Variants in MTUS2 observed in about 807,000 individuals in gnomAD.
The protein encoded by MTUS2 is microtubule associated scaffold protein 2.
A neutral mutation model predicts 114.1 loss-of-function variants in MTUS2; 40 were observed. The observed-to-expected ratio is 0.35, with a 90% CI of 0.27 to 0.46. The LOEUF is 0.46. Among genes scored for constraint, MTUS2 ranks in the 20% least tolerant of loss-of-function variants. MTUS2 has a pLI of 1.00. For synonymous variants in MTUS2, 688 were observed against 672.0 expected, an observed-to-expected ratio of 1.02 and a Z score of -0.37; for missense variants, 1,679 against 1,705.4, an observed-to-expected ratio of 0.98 and a Z score of 0.27.
At chr13:29,425,105 ATACTT>A (rs1176442833) in intron 8 of MTUS2, among the ~76,000 whole-genome samples, 1 of 152,208 alleles carries the variant, frequency 6.6e-6, no homozygotes, top group Non-Finnish European at 1.5e-5. Context: ...TGCTTAGAAA[ATACTT>A]TAACATAGAA....
intron 2 of MTUS2, among the ~76,000 whole-genome samples, chr13:29,017,129 C>T (rs991716893): frequency 1.8e-4 from 27 of 152,172 alleles, no homozygotes; most frequent in Admixed American, 3.9e-4. Flanking sequence ...ATACAATTAT[C>T]CTATTAAATG....
At chr13:29,032,599 T>TCTA (rs1258562115) in intron 3 of MTUS2, among the ~76,000 whole-genome samples, 4 of 152,242 alleles carry the variant, frequency 2.6e-5, no homozygotes, top group African/African-American at 9.6e-5. Flanking sequence ...CCAAGGACTA[T>TCTA]CTACTATAAC....
intron 5 of MTUS2, among the ~76,000 whole-genome samples, chr13:29,148,329 A>G (rs547337457): frequency 6.6e-6 from 1 of 151,954 alleles, no homozygotes; most frequent in African/African-American, 2.4e-5. Context: ...CCCAGCATCC[A>G]TTAGCTGTTC....
At chr13:29,415,254 C>G (rs554358880) in intron 8 of MTUS2, among the ~76,000 whole-genome samples, 136 of 152,156 alleles carry the variant, frequency 8.9e-4, no homozygotes, top group Non-Finnish European at 1.7e-3. Flanking sequence ...GGTATAGTCA[C>G]TATTATCAAA....
chr13:29,082,428 A>G (rs1458662972), intron 4 of MTUS2, among the ~76,000 whole-genome samples: 1 of 152,174 alleles, frequency 6.6e-6, no homozygotes, highest in East Asian at 1.9e-4. Flanking sequence ...TGATATTTTC[A>G]TCTGTAAAAT....
intron 9 of MTUS2, among the ~76,000 whole-genome samples, chr13:29,479,197 C>T (rs944176963): frequency 1.3e-5 from 2 of 152,230 alleles, no homozygotes; most frequent in South Asian, 2.1e-4. Flanking sequence ...CACAGAGCAG[C>T]GAGCATGGTA....
At chr13:28,821,283 G>A (rs1462574481) in intron 1 of MTUS2, among the ~76,000 whole-genome samples, 1 of 151,958 alleles carries the variant, frequency 6.6e-6, no homozygotes, top group African/African-American at 2.4e-5. Flanking sequence ...GATAATATAG[G>A]ACCCTATATT....
chr13:29,338,380 A>T (rs1480986315), intron 7 of MTUS2, among the ~76,000 whole-genome samples: 1 of 152,062 alleles, frequency 6.6e-6, no homozygotes, highest in Non-Finnish European at 1.5e-5. Context: ...TGAGCTCAGG[A>T]ATTGAAGACC....
chr13:29,239,683 G>T (rs1323818744), intron 5 of MTUS2: 1 of 152,186 alleles, frequency 6.6e-6, no homozygotes, highest in Admixed American at 6.5e-5. Context: ...GTGGGGAAGG[G>T]CATATCTGAC....
intron 2 of MTUS2, among the ~76,000 whole-genome samples, chr13:28,874,266 G>T (rs545800335): frequency 6.6e-6 from 1 of 152,182 alleles, no homozygotes; most frequent in South Asian, 2.1e-4. Context: ...CTCCCAAAGT[G>T]CAGGATTACA....
At chr13:28,929,070 G>A (rs1881478043) in intron 2 of MTUS2, among the ~76,000 whole-genome samples, 3 of 152,034 alleles carry the variant, frequency 2.0e-5, no homozygotes, top group Admixed American at 2.0e-4. Flanking sequence ...GCACAGAAAG[G>A]CGAATATCAC....
chr13:28,965,569 C>T (rs1230489020), intron 2 of MTUS2, among the ~76,000 whole-genome samples: 3 of 151,956 alleles, frequency 2.0e-5, no homozygotes, highest in Admixed American at 6.5e-5. Context: ...AGAATGTATA[C>T]GCTATATATG....
intron 8 of MTUS2, among the ~76,000 whole-genome samples, chr13:29,385,372 T>C (rs1872564251): frequency 6.6e-6 from 1 of 152,202 alleles, no homozygotes. Flanking sequence ...CAGGATGTCC[T>C]TGTGACCCAA....
At chr13:29,072,476 C>G (rs887104096) in intron 4 of MTUS2, among the ~76,000 whole-genome samples, 1 of 152,122 alleles carries the variant, frequency 6.6e-6, no homozygotes, top group Non-Finnish European at 1.5e-5. Flanking sequence ...GGCATTTCAA[C>G]TGTATTGTAA....
chr13:29,247,739 A>C (rs754451056), intron 5 of MTUS2, among the ~76,000 whole-genome samples: 7 of 152,216 alleles, frequency 4.6e-5, no homozygotes, highest in African/African-American at 9.6e-5. Context: ...TAATCAAAAA[A>C]TCAAAAAATA....
At chr13:29,178,110 A>T (rs1045885771) in intron 5 of MTUS2, among the ~76,000 whole-genome samples, 1 of 152,170 alleles carries the variant, frequency 6.6e-6, no homozygotes, top group African/African-American at 2.4e-5. Context: ...TGGTTTGCTT[A>T]GATGGGCTCA....
chr13:29,298,276 C>G (rs77442815), intron 6 of MTUS2, among the ~76,000 whole-genome samples: 2,083 of 152,252 alleles, frequency 0.014, 37 homozygotes, highest in African/African-American at 0.048. Flanking sequence ...AAATGAGTAA[C>G]TGATACATTA....
chr13:29,200,931 A>G, intron 5 of MTUS2, among the ~76,000 whole-genome samples: 1 of 152,146 alleles, frequency 6.6e-6, no homozygotes, highest in East Asian at 1.9e-4. Context: ...ACTTCCAATT[A>G]AGTAGTCAAT....
At chr13:29,051,243 C>G (rs1431206617) in intron 4 of MTUS2, among the ~76,000 whole-genome samples, 1 of 152,078 alleles carries the variant, frequency 6.6e-6, no homozygotes, top group Non-Finnish European at 1.5e-5. Flanking sequence ...GGATTGGACT[C>G]TGAGCACGGG....
Sources: gnomAD v4.1 joint callset for allele counts (sites outside exome capture counted in the v4.1 genomes callset) on GRCh38, gnomAD v4.1.1 for gene constraint, MANE v1.5 for transcripts, NCBI Gene and HGNC (gene_info 2026-07-23, HGNC 2026-07-21) for gene names.